The following CADPS variants were observed in gnomAD, a reference collection of about 807,000 sequenced individuals.
CADPS encodes the protein calcium dependent secretion activator.
A neutral mutation model predicts 167.3 loss-of-function variants in CADPS; 57 were observed. The observed-to-expected ratio is 0.34, with a 90% CI of 0.28 to 0.42. The LOEUF is 0.42. Ranked by LOEUF, CADPS falls within the 20% of genes least tolerant of loss-of-function variation. The pLI, the probability that CADPS is intolerant of heterozygous loss-of-function variation, is 1.00. For missense variants in CADPS, 1,414 were observed against 1,738.1 expected (o/e 0.81, Z 3.32); for synonymous variants, 676 against 635.3 (o/e 1.06, Z -0.96).
Position 62,671,883 on chromosome 3 carries a change from C to T in CADPS, c.889-9489G>A, listed in dbSNP as rs557895991. 1.6e-3 allele frequency among the ~76,000 whole-genome samples: 238 copies of T among 152,274 alleles called. 2 individuals are homozygous for T. Among genetic ancestry groups the T allele is most frequent in the African/African-American group, 5.4e-3 (226 of 41,564 alleles). On this transcript the variant is annotated intron_variant, in intron 3 of 29. Coordinates refer to ENST00000383710, the MANE Select transcript of CADPS (RefSeq NM_003716.4). ...GTTAAAGTGATTATCCTGCCTCAGC[C>T]TCCCAAGAAGCTGGGACTACAGGTG...
chr3:62,687,981 T>C (rs554634289), intron 3 of CADPS, among the ~76,000 whole-genome samples: 267 of 152,128 alleles, frequency 1.8e-3, no homozygotes, highest in African/African-American at 6.0e-3. Flanking sequence ...ATCCCTTTCA[T>C]CATTTATTCA....
intron 26 of CADPS, among the ~76,000 whole-genome samples, chr3:62,449,637 C>T (rs1457981691): frequency 2.6e-5 from 4 of 152,148 alleles, no homozygotes; most frequent in African/African-American, 7.2e-5. Context: ...GGCACTGTAT[C>T]TAGATCAAAT....
At position 62,550,595 on chromosome 3, in the gene CADPS, C is replaced by G. The variant is rs897378489; in HGVS notation, c.1754-480G>C. Among the ~76,000 whole-genome samples, 50 of 152,088 alleles carry G rather than the reference C, an allele frequency of 3.3e-4. 3 individuals are homozygous for G. Among genetic ancestry groups the G allele is most frequent in the Non-Finnish European group, 1.0e-4 (7 of 68,018 alleles). On this transcript the variant is annotated intron_variant, in intron 10 of 29. Coordinates refer to ENST00000383710, the MANE Select transcript of CADPS (RefSeq NM_003716.4). ...AATGCAGCTTCTGATTCAGTACGTC[C>G]GGAACAGAGCTTGAGGTGCAGCATT...
intron 2 of CADPS, among the ~76,000 whole-genome samples, chr3:62,755,662 G>A (rs768123337): frequency 7.2e-5 from 11 of 152,134 alleles, no homozygotes; most frequent in Non-Finnish European, 1.6e-4. Context: ...AATTTAGAAA[G>A]GATGGCTGAG....
At position 62,875,196 on chromosome 3, in the gene CADPS, C is replaced by T; in HGVS notation, c.-167G>A. On this transcript the variant is annotated 5_prime_UTR_variant, in exon 1 of 30. Coordinates refer to ENST00000383710, the MANE Select transcript of CADPS (RefSeq NM_003716.4). ...CGGCCGCCGCGACTGATCCTCTGCC[C>T]GGCGGTCGCGAGCTGGGCTCAGACC... 5 of 933,030 alleles carry T rather than the reference C, an allele frequency of 5.4e-6. No individual in the cohort carries two copies. Among genetic ancestry groups the T allele is most frequent in the Non-Finnish European group, 7.0e-6 (5 of 711,990 alleles). 57.8% of individuals were successfully genotyped at this position (933,030 alleles called of 1,614,324 possible).
intron 3 of CADPS, among the ~76,000 whole-genome samples, chr3:62,694,548 G>C (rs1393324014): frequency 6.6e-6 from 1 of 152,066 alleles, no homozygotes; most frequent in Non-Finnish European, 1.5e-5. Context: ...AGAAGGGACA[G>C]AAATCAGTCC....
intron 13 of CADPS, among the ~76,000 whole-genome samples, chr3:62,519,357 T>G (rs1293470998): frequency 6.6e-6 from 1 of 152,232 alleles, no homozygotes; most frequent in Non-Finnish European, 1.5e-5. Context: ...CCAGTCTGAC[T>G]GCACAAAAGA....
At chr3:62,494,996 C>G (rs1027163165) in intron 18 of CADPS, among the ~76,000 whole-genome samples, 10 of 152,092 alleles carry the variant, frequency 6.6e-5, no homozygotes, top group Non-Finnish European at 1.0e-4. Context: ...AGTTGCAAAC[C>G]AGAGGTCATA....
intron 9 of CADPS, among the ~76,000 whole-genome samples, chr3:62,564,782 T>G (rs145473944): frequency 0.032 from 4,842 of 151,980 alleles, 110 homozygotes; most frequent in South Asian, 0.052. Flanking sequence ...AATTTTTGTA[T>G]TTTTAGTAGA....
rs142929465 is a variant in CADPS at position 62,749,269 on chromosome 3, A to G, written c.888+4172T>C. Among the ~76,000 whole-genome samples the G allele has an allele frequency of 3.9e-3, 600 of 152,322 alleles. 7 individuals carry two copies. The highest frequency in any genetic ancestry group is 0.014 in the African/African-American group (570 of 41,556). ...TTTTGATAGACATGGTTCATGTTAC[A>G]ACAGATAACTGATATGTAACTGACA... On this transcript the variant is annotated intron_variant, in intron 3 of 29. Coordinates refer to ENST00000383710, the MANE Select transcript of CADPS (RefSeq NM_003716.4).
At chr3:62,672,583 G>T (rs773413898) in intron 3 of CADPS, among the ~76,000 whole-genome samples, 2 of 152,040 alleles carry the variant, frequency 1.3e-5, no homozygotes, top group Non-Finnish European at 2.9e-5. Context: ...ACATACTCTT[G>T]CTTGGCCCCT....
At chr3:62,638,510 T>C (rs1432892379) in intron 6 of CADPS, among the ~76,000 whole-genome samples, 10 of 152,096 alleles carry the variant, frequency 6.6e-5, no homozygotes, top group Non-Finnish European at 1.0e-4. Flanking sequence ...GGCAAGGTAA[T>C]AGAGAAGCTG....
rs138167609 is a variant in CADPS at position 62,689,648 on chromosome 3, G to A, written c.889-27254C>T. Among the ~76,000 whole-genome samples, 936 of 152,198 alleles carry A rather than the reference G, an allele frequency of 6.1e-3. 8 individuals carry two copies. Among genetic ancestry groups the A allele is most frequent in the Middle Eastern group, 0.014 (4 of 294 alleles). ...GACATGTTTGTATAACCCTTTGGAC[G>A]CAAATGTACCTGACATTATAGAATT... is the stretch of plus-strand genomic sequence containing the variant. On this transcript the variant is annotated intron_variant, in intron 3 of 29. Transcript: ENST00000383710.
intron 1 of CADPS, among the ~76,000 whole-genome samples, chr3:62,796,991 A>T (rs1281745242): frequency 3.3e-5 from 5 of 152,206 alleles, no homozygotes; most frequent in African/African-American, 1.2e-4. Context: ...AACTGTAAGC[A>T]TGCTTATATT....
intron 1 of CADPS, among the ~76,000 whole-genome samples, chr3:62,798,768 C>T (rs1392914669): frequency 2.6e-5 from 4 of 152,114 alleles, no homozygotes; most frequent in African/African-American, 9.7e-5. Context: ...AGCTTCTTTA[C>T]ACAATGTTTC....
rs151046173 is a variant in CADPS, at chr3:62,551,167, G to A, written c.1754-1052C>T. Among the ~76,000 whole-genome samples the A allele has an allele frequency of 3.6e-3, 543 of 152,158 alleles. 2 individuals are homozygous for A. Among genetic ancestry groups the A allele is most frequent in the Middle Eastern group, 6.8e-3 (2 of 294 alleles). ...ATATCTTTCTTGACTTTTCCCCAGG[G>A]ATATCTGATAGACATCCCAAGCTTG... is the stretch of plus-strand genomic sequence containing the variant. On this transcript the variant is annotated intron_variant, in intron 10 of 29. Coordinates refer to ENST00000383710, the MANE Select transcript of CADPS (RefSeq NM_003716.4).
intron 1 of CADPS, among the ~76,000 whole-genome samples, chr3:62,841,106 G>A (rs768121155): frequency 3.9e-5 from 6 of 152,056 alleles, no homozygotes; most frequent in East Asian, 1.9e-4. Flanking sequence ...CCTGTAACAC[G>A]TTTTATTCTT....
In CADPS at chr3:62,541,193, C is replaced by A. The variant is rs1036960244; in HGVS notation, c.1967-4612G>T. ...CATTTTAAGAACCAATTTCAATCAT[C>A]TTTACCTGTGTCAGACCTAGTCTTA... On this transcript the variant is annotated intron_variant, in intron 11 of 29. Coordinates refer to ENST00000383710, the MANE Select transcript of CADPS (RefSeq NM_003716.4). Among the ~76,000 whole-genome samples the A allele has an allele frequency of 3.3e-5, 5 of 152,252 alleles. 1 individual carries two copies. The highest frequency in any genetic ancestry group is 6.5e-5 in the Admixed American group (1 of 15,282).
chr3:62,558,033 T>C (rs755020771), intron 9 of CADPS, among the ~76,000 whole-genome samples: 25 of 152,196 alleles, frequency 1.6e-4, no homozygotes, highest in Non-Finnish European at 3.5e-4. Flanking sequence ...TTTATTTCAG[T>C]ATTTTATTTT....
Sources: allele counts gnomAD v4.1 joint callset (sites outside exome capture counted in the v4.1 genomes callset), GRCh38; gene constraint gnomAD v4.1.1; transcripts MANE v1.5; gene names NCBI Gene and HGNC (gene_info 2026-07-23, HGNC 2026-07-21).